Variants in PLXNA4 observed in about 807,000 individuals in gnomAD.
PLXNA4 encodes the protein plexin-A4.
Under a neutral mutation model 191.8 loss-of-function variants are expected in PLXNA4, and 44 were observed. That is an observed-to-expected ratio of 0.23 (90% CI 0.18 to 0.29). PLXNA4 has a LOEUF of 0.29. Among genes scored for constraint, PLXNA4 ranks in the 10% least tolerant of loss-of-function variants. PLXNA4 has a pLI of 1.00. For synonymous variants in PLXNA4, 1,082 were observed against 1,009.5 expected (o/e 1.07, Z -1.36); for missense variants, 1,800 against 2,488.8 (o/e 0.72, Z 5.89).
rs1023506766 is a variant in PLXNA4 at position 132,124,245 on chromosome 7, A to G, written c.*6234T>C. 6.6e-6 allele frequency: 1 copy of G among 152,228 alleles called. No individual in the cohort carries two copies. Among genetic ancestry groups the G allele is most frequent in the African/African-American group, 2.4e-5 (1 of 41,456 alleles). The allele number at this position is 152,228 out of a possible 1,614,324, so 9.4% of individuals were successfully genotyped here. A position where few individuals can be genotyped will look rare whatever the true frequency, so the allele number is the denominator to read the frequency against. ...ATTCTTTGAGGTAAGCTAGCTTTTC[A>G]TTTTAAGAACAGAAGGTTTAACAAG... On this transcript the variant is annotated 3_prime_UTR_variant, in exon 32 of 32. Transcript: ENST00000321063.
chr7:132,235,890 C>T (rs1798684080), intron 5 of PLXNA4, among the ~76,000 whole-genome samples: 1 of 152,126 alleles, frequency 6.6e-6, no homozygotes, highest in East Asian at 1.9e-4. Context: ...TTTCCTTTAC[C>T]TTCACCCAAG....
At chr7:132,573,000 AT>A (rs1324390483) in intron 1 of PLXNA4, among the ~76,000 whole-genome samples, 1 of 150,554 alleles carries the variant, frequency 6.6e-6, no homozygotes, top group African/African-American at 2.4e-5. Context: ...TGTTATATTG[AT>A]TTCTTGGAGT....
chr7:132,375,848 T>C (rs1804637982), intron 3 of PLXNA4, among the ~76,000 whole-genome samples: 1 of 152,076 alleles, frequency 6.6e-6, no homozygotes, highest in Non-Finnish European at 1.5e-5. Context: ...ACTGCCAGCA[T>C]GAAGAACTAA....
chr7:132,621,921 ACT>A (rs1292080832), intron 2 of PLXNA4, among the ~76,000 whole-genome samples: 5 of 152,078 alleles, frequency 3.3e-5, no homozygotes, highest in African/African-American at 1.2e-4. Context: ...AATTTTTCTA[ACT>A]CTATTTCTTG....
intron 4 of PLXNA4, among the ~76,000 whole-genome samples, chr7:132,248,549 A>G (rs7799929): frequency 0.057 from 8,681 of 152,158 alleles, 350 homozygotes; most frequent in African/African-American, 0.11. Context: ...GCTTCTTACC[A>G]CCCTGTGCTT....
At chr7:132,265,715 T>C (rs1799826504) in intron 4 of PLXNA4, among the ~76,000 whole-genome samples, 1 of 152,190 alleles carries the variant, frequency 6.6e-6, no homozygotes, top group South Asian at 2.1e-4. Flanking sequence ...ATCTGGGTAG[T>C]CCCTGAAGAA....
At chr7:132,405,382 T>C (rs1440830822) in intron 3 of PLXNA4, among the ~76,000 whole-genome samples, 1 of 152,186 alleles carries the variant, frequency 6.6e-6, no homozygotes, top group Non-Finnish European at 1.5e-5. Context: ...ACCTGCTACA[T>C]TGGACTCACC....
intron 31 of PLXNA4, among the ~76,000 whole-genome samples, chr7:132,132,242 G>A (rs572249155): frequency 3.3e-5 from 5 of 152,342 alleles, no homozygotes; most frequent in African/African-American, 1.2e-4. Flanking sequence ...CTCTCTCCCA[G>A]CTGCTCCTGA....
intron 2 of PLXNA4, among the ~76,000 whole-genome samples, chr7:132,591,701 TA>T (rs1447040395): frequency 6.6e-6 from 1 of 152,222 alleles, no homozygotes; most frequent in Non-Finnish European, 1.5e-5. Flanking sequence ...AGCACAGGAC[TA>T]GGAGCGTTTG....
At chr7:132,227,397 C>G in intron 7 of PLXNA4, 54 bp downstream of exon 7, 1 of 1,609,484 alleles carries the variant, frequency 6.2e-7, no homozygotes, top group Non-Finnish European at 8.5e-7. Flanking sequence ...CTGAGTTCTC[C>G]TTATCTAGCC....
chr7:132,483,049 GA>G (rs1797402404), intron 3 of PLXNA4, among the ~76,000 whole-genome samples: 1 of 152,112 alleles, frequency 6.6e-6, no homozygotes, highest in African/African-American at 2.4e-5. Context: ...GAACTGCTGC[GA>G]AAAGCAGCAC....
At chr7:132,473,831 T>C (rs1797021068) in intron 3 of PLXNA4, among the ~76,000 whole-genome samples, 1 of 150,224 alleles carries the variant, frequency 6.7e-6, no homozygotes, top group Admixed American at 6.7e-5. Context: ...GAAATTAGAA[T>C]GTGCAAGACT....
Position 132,507,682 on chromosome 7 carries a change from C to T in PLXNA4, c.1012G>A (p.Val338Ile), listed in dbSNP as rs369281855. ...VHPDDDLLFT[V>I]FSKGQKRKMK... is the part of the protein sequence containing the mutation. The stretch of plus-strand genomic sequence containing the variant: ...TTCCGCTTCTGGCCCTTGGAGAAGA[C>T]GGTGAAGAGCAGGTCATCATCTGGA... The change falls in exon 2 of 32, where the codon GTC becomes ATC. Residue 338 changes from valine to isoleucine, a missense_variant. Physicochemically the swap from Val to Ile is conservative, Grantham distance 29 (BLOSUM62 3). Around this residue, in one of 6 missense-constraint regions of PLXNA4, gnomAD observed 1,397 missense variants for 1,880.4 expected, o/e 0.74. Coordinates refer to ENST00000321063, the MANE Select transcript of PLXNA4 (RefSeq NM_020911.2). 175 of 1,614,084 alleles carry T rather than the reference C, an allele frequency of 1.1e-4. No homozygotes were observed. The highest frequency in any genetic ancestry group is 3.1e-4 in the South Asian group (28 of 91,090).
intron 5 of PLXNA4, 130 bp from the exon 6 acceptor site, chr7:132,228,599 T>C (rs1182263755): frequency 8.4e-7 from 1 of 1,195,786 alleles, no homozygotes; most frequent in South Asian, 1.6e-5. Flanking sequence ...AGCTAACCTT[T>C]TTGTGTCCTT....
At chr7:132,187,428 C>G (rs2116776571) in intron 15 of PLXNA4, 43 bp downstream of exon 15, 1 of 1,594,046 alleles carries the variant, frequency 6.3e-7, no homozygotes, top group East Asian at 2.3e-5. Flanking sequence ...ACCTGTCTAA[C>G]CTTTCCCTCT....
chr7:132,271,741 A>T (rs1420992137), intron 4 of PLXNA4, among the ~76,000 whole-genome samples: 1 of 152,194 alleles, frequency 6.6e-6, no homozygotes, highest in Non-Finnish European at 1.5e-5. Context: ...GATGTGGTCA[A>T]CAGGAGGTCA....
At chr7:132,181,857 A>G (rs567593945) in intron 17 of PLXNA4, among the ~76,000 whole-genome samples, 7 of 152,360 alleles carry the variant, frequency 4.6e-5, no homozygotes, top group Admixed American at 4.6e-4. Context: ...ATGCAAGAGT[A>G]AAGGTATAAA....
At chr7:132,467,421 G>A (rs1450521724) in intron 3 of PLXNA4, among the ~76,000 whole-genome samples, 3 of 152,122 alleles carry the variant, frequency 2.0e-5, no homozygotes, top group East Asian at 3.9e-4. Context: ...AAAGACCTTG[G>A]CCTTGTTACT....
intron 2 of PLXNA4, among the ~76,000 whole-genome samples, chr7:132,636,176 A>G (rs940189501): frequency 1.3e-4 from 20 of 152,272 alleles, no homozygotes; most frequent in South Asian, 4.1e-4. Context: ...AGGTTGGCTC[A>G]GCTCTGCGCA....
Sources: gnomAD v4.1 joint callset for allele counts (sites outside exome capture counted in the v4.1 genomes callset) on GRCh38, gnomAD v4.1.1 for gene constraint, gnomAD v4.1.1 regional missense constraint, MANE v1.5 for transcripts, NCBI Gene and HGNC (gene_info 2026-07-23, HGNC 2026-07-21) for gene names.